Variants in TMEM117 observed in about 807,000 individuals in gnomAD.
The protein encoded by TMEM117 is transmembrane protein 117.
Under a neutral mutation model 52.4 loss-of-function variants are expected in TMEM117, and 27 were observed. The observed-to-expected ratio is 0.51, with a 90% CI of 0.38 to 0.71. The LOEUF is 0.71. Among genes scored for constraint, TMEM117 ranks in the 30% least tolerant of loss-of-function variants. TMEM117 has a pLI of 0.00. For missense variants in TMEM117, 556 were observed against 630.5 expected (o/e 0.88, Z 1.26); for synonymous variants, 215 against 206.3 (o/e 1.04, Z -0.36).
At chr12:44,097,327 A>G (rs1215108920) in intron 3 of TMEM117, among the ~76,000 whole-genome samples, 1 of 152,108 alleles carries the variant, frequency 6.6e-6, no homozygotes, top group Non-Finnish European at 1.5e-5. Flanking sequence ...GGGATCTAGA[A>G]CTAGAAATAC....
intron 3 of TMEM117, among the ~76,000 whole-genome samples, chr12:44,076,676 T>G (rs1320186170): frequency 2.0e-5 from 3 of 152,196 alleles, no homozygotes; most frequent in Non-Finnish European, 4.4e-5. Flanking sequence ...GAGTAATCAG[T>G]GTCCACAGCA....
At chr12:43,942,369 T>A (rs10880597) in intron 2 of TMEM117, among the ~76,000 whole-genome samples, 25,204 of 152,224 alleles carry the variant, frequency 0.17, 3,144 homozygotes, top group African/African-American at 0.34. Context: ...TATATTTTTT[T>A]AATATTCTTG....
At chr12:44,254,793 A>T (rs917815704) in intron 5 of TMEM117, among the ~76,000 whole-genome samples, 7 of 151,994 alleles carry the variant, frequency 4.6e-5, no homozygotes, top group Non-Finnish European at 1.0e-4. Flanking sequence ...TATCTCCTAA[A>T]GCTATCCCTC....
chr12:44,296,737 A>G (rs903718823), intron 5 of TMEM117, among the ~76,000 whole-genome samples: 1 of 152,204 alleles, frequency 6.6e-6, no homozygotes, highest in Non-Finnish European at 1.5e-5. Context: ...GAGAATGGCT[A>G]GAGCTGAATT....
At chr12:43,907,007 G>T (rs1944403481) in intron 2 of TMEM117, among the ~76,000 whole-genome samples, 1 of 152,246 alleles carries the variant, frequency 6.6e-6, no homozygotes, top group Non-Finnish European at 1.5e-5. Flanking sequence ...GCTCAAGGAG[G>T]CCTGCCTGCC....
At chr12:44,330,332 C>G (rs1951252968) in intron 6 of TMEM117, among the ~76,000 whole-genome samples, 1 of 151,816 alleles carries the variant, frequency 6.6e-6, no homozygotes, top group South Asian at 2.1e-4. Context: ...CCTAATAACC[C>G]TAGAAGCCTC....
At chr12:44,372,457 C>T (rs60037016) in intron 6 of TMEM117, among the ~76,000 whole-genome samples, 4,996 of 152,038 alleles carry the variant, frequency 0.033, 279 homozygotes, top group African/African-American at 0.11. Context: ...TATGAATCAC[C>T]CATTAGTCAA....
Position 44,380,250 on chromosome 12 carries a change from T to C in TMEM117, c.898+3526T>C, listed in dbSNP as rs79345668. Among the ~76,000 whole-genome samples the C allele has an allele frequency of 8.5e-4, 129 of 152,308 alleles. 1 individual carries two copies. Among genetic ancestry groups the C allele is most frequent in the African/African-American group, 3.1e-3 (128 of 41,574 alleles). ...AGAATCCTCCTAGGAGCTGAAATTT[T>C]AGAGCTGGGGCCAGCAGAGGAGACT... On this transcript the variant is annotated intron_variant, in intron 7 of 7. Transcript: ENST00000266534.
rs12311205 is a variant in TMEM117 at position 44,187,667 on chromosome 12, A to T, written c.511-23623A>T. ...ATAAATGGGATTAAATCAAGGAAGC[A>T]GCCACTTCTCAGGCAAAGCACCATG... On this transcript the variant is annotated intron_variant, in intron 4 of 7. Transcript: ENST00000266534. Among the ~76,000 whole-genome samples, 1,224 of 152,270 alleles carry T rather than the reference A, an allele frequency of 8.0e-3. 22 individuals carry two copies. Among genetic ancestry groups the T allele is most frequent in the African/African-American group, 0.027 (1,139 of 41,576 alleles).
chr12:43,877,928 C>T (rs890465867), intron 2 of TMEM117, among the ~76,000 whole-genome samples: 1 of 148,084 alleles, frequency 6.8e-6, no homozygotes, highest in Non-Finnish European at 1.5e-5. Context: ...CACACACACA[C>T]AGACAGAATA....
At chr12:44,392,680 C>A (rs1169189011), downstream of TMEM117, among the ~76,000 whole-genome samples, 2 of 144,472 alleles carry the variant, frequency 1.4e-5, no homozygotes, top group Admixed American at 6.9e-5. Context: ...CCCCTCCCCC[C>A]ACCCCACGAC....
rs556321667 is a variant in TMEM117 at position 44,378,754 on chromosome 12, C to T, written c.898+2030C>T. 1.2e-4 allele frequency among the ~76,000 whole-genome samples: 18 copies of T among 152,206 alleles called. No individual in the cohort carries two copies. In the South Asian group the frequency reaches 2.3e-3, roughly 19 times the overall value. On this transcript the variant is annotated intron_variant, in intron 7 of 7. Coordinates refer to ENST00000266534, the MANE Select transcript of TMEM117 (RefSeq NM_032256.3). ...GTCATCAGGGAACTTTATAAATACA[C>T]AGATTGTTGGGTTTCATTACTAATG...
At chr12:44,062,609 CTTT>C (rs1947157155) in intron 3 of TMEM117, among the ~76,000 whole-genome samples, 1 of 152,152 alleles carries the variant, frequency 6.6e-6, no homozygotes, top group Non-Finnish European at 1.5e-5. Flanking sequence ...GTGAGAAGGA[CTTT>C]TTTGATTAAA....
chr12:44,001,142 C>G (rs1287176836), intron 3 of TMEM117, among the ~76,000 whole-genome samples: 1 of 152,196 alleles, frequency 6.6e-6, no homozygotes, highest in African/African-American at 2.4e-5. Flanking sequence ...ATTGAGGGAA[C>G]ATATGGAGAT....
chr12:44,266,397 C>A (rs1950378027), intron 5 of TMEM117, among the ~76,000 whole-genome samples: 1 of 152,046 alleles, frequency 6.6e-6, no homozygotes, highest in Non-Finnish European at 1.5e-5. Flanking sequence ...TTTTTATGTG[C>A]TTACTGGCCA....
At chr12:44,273,013 C>T (rs1324090222) in intron 5 of TMEM117, among the ~76,000 whole-genome samples, 2 of 152,138 alleles carry the variant, frequency 1.3e-5, no homozygotes, top group South Asian at 2.1e-4. Flanking sequence ...AAATGTGGCA[C>T]ATATACACCA....
intron 6 of TMEM117, among the ~76,000 whole-genome samples, chr12:44,317,960 C>T (rs532252444): frequency 5.3e-5 from 8 of 152,180 alleles, no homozygotes; most frequent in South Asian, 2.1e-4. Context: ...GCACCTAATG[C>T]GTGGCCACCT....
At chr12:43,935,793 T>G (rs973695744) in intron 2 of TMEM117, among the ~76,000 whole-genome samples, 1 of 152,188 alleles carries the variant, frequency 6.6e-6, no homozygotes, top group Admixed American at 6.5e-5. Context: ...ATATAAAATA[T>G]TAACAAAGAA....
chr12:43,937,291 G>C (rs910505447), intron 2 of TMEM117, among the ~76,000 whole-genome samples: 1 of 152,156 alleles, frequency 6.6e-6, no homozygotes, highest in Admixed American at 6.5e-5. Flanking sequence ...TAGATATTAA[G>C]GAGAACAGGA....
Sources: allele counts gnomAD v4.1 joint callset (sites outside exome capture counted in the v4.1 genomes callset), GRCh38; gene constraint gnomAD v4.1.1; transcripts MANE v1.5; gene names NCBI Gene and HGNC (gene_info 2026-07-23, HGNC 2026-07-21).